The following FAR2 variants were observed in gnomAD, a reference collection of about 807,000 sequenced individuals.
FAR2 encodes the protein epididymis secretory protein Li 81.
In FAR2, 19 loss-of-function variants were observed where a neutral mutation model predicts 56.0. The ratio of observed to expected loss-of-function variants is 0.34; its 90% CI spans 0.24 to 0.50. The LOEUF is 0.50. Among genes scored for constraint, FAR2 ranks in the 20% least tolerant of loss-of-function variants. The pLI, the probability that FAR2 is intolerant of heterozygous loss-of-function variation, is 0.98. For missense variants in FAR2, 508 were observed against 642.2 expected (o/e 0.79, Z 2.26); for synonymous variants, 219 against 218.8 (o/e 1.00, Z -0.01).
At chr12:29,202,616 C>G (rs776407503) in intron 1 of FAR2, among the ~76,000 whole-genome samples, 1 of 152,088 alleles carries the variant, frequency 6.6e-6, no homozygotes, top group Non-Finnish European at 1.5e-5. Flanking sequence ...GTCATGGGGG[C>G]GGATCCCTCA....
chr12:29,164,336 G>T (rs1053567083), intron 1 of FAR2, among the ~76,000 whole-genome samples: 9 of 152,248 alleles, frequency 5.9e-5, no homozygotes, highest in African/African-American at 2.2e-4. Context: ...CTGCCATTTT[G>T]CTTGTTTCTC....
In FAR2 at chr12:29,274,666, A is replaced by G. The variant is rs1948676498; in HGVS notation, c.189+4028A>G. On this transcript the variant is annotated intron_variant, in intron 2 of 11. Coordinates refer to ENST00000536681, the MANE Select transcript of FAR2 (RefSeq NM_001271783.2). ...GACATTCCACCACAAAAGATGTGAA[A>G]ATGGCCTGTTCCTGCCTTAACTGAT... is the stretch of plus-strand genomic sequence containing the variant. Among the ~76,000 whole-genome samples, 4 of 152,000 alleles carry G rather than the reference A, an allele frequency of 2.6e-5. No individual in the cohort carries two copies. In the South Asian group the frequency reaches 8.3e-4, roughly 32 times the overall value.
chr12:29,291,799 G>A (rs1170166309), intron 2 of FAR2, among the ~76,000 whole-genome samples: 4 of 152,178 alleles, frequency 2.6e-5, no homozygotes, highest in African/African-American at 9.7e-5. Flanking sequence ...GAAGCTATAG[G>A]GGTATGGTGA....
chr12:29,259,487 A>T (rs1376429831), intron 1 of FAR2, among the ~76,000 whole-genome samples: 12 of 152,148 alleles, frequency 7.9e-5, no homozygotes, highest in Admixed American at 7.9e-4. Flanking sequence ...TTGAATCTTA[A>T]TTTTTTTATT....
rs143312276 is a variant in FAR2, at chr12:29,211,437, C to T, written c.-38-58975C>T. ...ATGCATATACATTATTATATTTGAC[C>T]GATCATAATGTTGTCACATAAGTCT... On this transcript the variant is annotated intron_variant, in intron 1 of 11. Coordinates refer to ENST00000536681, the MANE Select transcript of FAR2 (RefSeq NM_001271783.2). Among the ~76,000 whole-genome samples the T allele has an allele frequency of 1.8e-3, 267 of 152,160 alleles. 1 individual carries two copies. In the South Asian group the frequency reaches 0.023, roughly 13 times the overall value.
At chr12:29,305,820 T>C (rs1057353296) in intron 4 of FAR2, among the ~76,000 whole-genome samples, 1 of 152,144 alleles carries the variant, frequency 6.6e-6, no homozygotes, top group Non-Finnish European at 1.5e-5. Context: ...GTCAGAAATC[T>C]ACGAAACCAA....
At chr12:29,166,137 G>C (rs1056210492) in intron 1 of FAR2, among the ~76,000 whole-genome samples, 4 of 152,204 alleles carry the variant, frequency 2.6e-5, no homozygotes, top group Non-Finnish European at 4.4e-5. Context: ...TGAAATATGT[G>C]CATGAAATGC....
chr12:29,154,421 T>TTTTG (rs1949707793), intron 1 of FAR2, among the ~76,000 whole-genome samples: 5 of 150,288 alleles, frequency 3.3e-5, no homozygotes, highest in African/African-American at 1.2e-4. Flanking sequence ...TTTGTTTTTT[T>TTTTG]TTTTGTTTTG....
At chr12:29,283,943 G>A (rs1948827824) in intron 2 of FAR2, among the ~76,000 whole-genome samples, 2 of 152,152 alleles carry the variant, frequency 1.3e-5, no homozygotes, top group South Asian at 2.1e-4. Context: ...ACCAGATAAT[G>A]AGTTGCAAAT....
Position 29,270,693 on chromosome 12 carries a change from C to A in FAR2, c.189+55C>A, listed in dbSNP as rs1212585314. ...GGCAATGCCTTAGGGCAAGATGATT[C>A]ACTACAATGTTCTCTTATAGTCTCA... On this transcript the variant is annotated intron_variant, in intron 2 of 11. Transcript: ENST00000536681. 97 of 1,463,774 alleles carry A rather than the reference C, an allele frequency of 6.6e-5. No homozygotes were observed. The Middle Eastern group carries it at 7.5e-4, about 11-fold the overall frequency. The allele number at this position is 1,463,774 out of a possible 1,614,324, so 90.7% of individuals were successfully genotyped here. A position where few individuals can be genotyped will look rare whatever the true frequency, so the allele number is the denominator to read the frequency against.
chr12:29,177,151 C>T (rs148626511), intron 1 of FAR2, among the ~76,000 whole-genome samples: 2 of 152,288 alleles, frequency 1.3e-5, no homozygotes, highest in Admixed American at 1.3e-4. Context: ...AATGATGCAA[C>T]AGGAAATGGA....
intron 2 of FAR2, among the ~76,000 whole-genome samples, chr12:29,284,188 G>A (rs1948833042): frequency 6.6e-6 from 1 of 152,208 alleles, no homozygotes; most frequent in South Asian, 2.1e-4. Context: ...TAGCTACTTA[G>A]GAATGAGTGT....
Position 29,279,527 on chromosome 12 carries a change from C to T in FAR2, c.189+8889C>T, listed in dbSNP as rs547502050. On this transcript the variant is annotated intron_variant, in intron 2 of 11. Transcript: ENST00000536681. ...AATTCATTATGCTGAGTTTAGTACACAAATTCTAAGCAATATTTCACAGAC... is the reference window on the plus strand; with the variant it reads ...AATTCATTATGCTGAGTTTAGTACATAAATTCTAAGCAATATTTCACAGAC... Among the ~76,000 whole-genome samples, 8 of 152,306 alleles carry T rather than the reference C, an allele frequency of 5.3e-5. No individual in the cohort carries two copies. In the East Asian group the frequency reaches 1.5e-3, roughly 29 times the overall value.
Position 29,307,878 on chromosome 12 carries a change from A to C in FAR2, c.723+43A>C, listed in dbSNP as rs781565231. The C allele has an allele frequency of 4.5e-6, 7 of 1,563,480 alleles. No homozygotes were observed. In the East Asian group the frequency reaches 1.4e-4, roughly 30 times the overall value. ...GATTCTGTGTTTTGCTTCCAAACTA[A>C]GGTTCTTCTAGTCCAATTACTTTCT... On this transcript the variant is annotated intron_variant, in intron 5 of 11. Coordinates refer to ENST00000536681, the MANE Select transcript of FAR2 (RefSeq NM_001271783.2).
At chr12:29,224,421 G>A (rs1373806267) in intron 1 of FAR2, among the ~76,000 whole-genome samples, 1 of 152,202 alleles carries the variant, frequency 6.6e-6, no homozygotes, top group Non-Finnish European at 1.5e-5. Context: ...CAGGGAACTT[G>A]AGAGCTCCAG....
intron 2 of FAR2, among the ~76,000 whole-genome samples, chr12:29,271,061 C>T (rs1379588640): frequency 2.0e-5 from 3 of 152,192 alleles, no homozygotes; most frequent in Non-Finnish European, 4.4e-5. Context: ...TACTAAGTAG[C>T]CATGCAGTGA....
intron 1 of FAR2, among the ~76,000 whole-genome samples, chr12:29,191,996 A>T (rs1950106623): frequency 6.6e-6 from 1 of 152,248 alleles, no homozygotes; most frequent in Non-Finnish European, 1.5e-5. Context: ...CTTATCAGAA[A>T]GTCAGTTGCC....
chr12:29,196,212 C>T (rs1477705971), intron 1 of FAR2, among the ~76,000 whole-genome samples: 2 of 151,756 alleles, frequency 1.3e-5, no homozygotes, highest in East Asian at 3.9e-4. Context: ...TGGGTAGATA[C>T]TCGGTAGTGG....
At chr12:29,157,441 AG>A (rs1255980431) in intron 1 of FAR2, among the ~76,000 whole-genome samples, 1 of 152,030 alleles carries the variant, frequency 6.6e-6, no homozygotes, top group African/African-American at 2.4e-5. Context: ...AAAACATTGA[AG>A]CCCACACCTG....
Sources: allele counts gnomAD v4.1 joint callset (sites outside exome capture counted in the v4.1 genomes callset), GRCh38; gene constraint gnomAD v4.1.1; transcripts MANE v1.5; gene names NCBI Gene and HGNC (gene_info 2026-07-23, HGNC 2026-07-21).